Variants in TEKTIP1 observed in about 807,000 individuals in gnomAD.
TEKTIP1 encodes tektin bundle-interacting protein 1.
chr19:3,541,611 G>A, the TEKTIP1 span: 7 of 983,234 alleles, frequency 7.1e-6, no homozygotes, highest in African/African-American at 1.7e-5. Context: ...ATGAGCCACC[G>A]CACCCAGTGC....
chr19:3,543,640 C>T, the TEKTIP1 span: 61 of 1,543,660 alleles, frequency 4.0e-5, no homozygotes, highest in South Asian at 4.8e-5. Flanking sequence ...GGTGGGGGAG[C>T]GCGCTGTGGA....
At chr19:3,541,689 C>T in the TEKTIP1 span, 24 of 985,144 alleles carry the variant, frequency 2.4e-5, no homozygotes, top group Non-Finnish European at 2.7e-5. Context: ...TGTGTAATAA[C>T]GGGGGTGAGT....
the TEKTIP1 span, chr19:3,543,027 G>C: frequency 6.2e-7 from 1 of 1,606,338 alleles, no homozygotes; most frequent in Non-Finnish European, 8.5e-7. Context: ...GGTGCGATGT[G>C]TGGGGAGAGG....
the TEKTIP1 span, chr19:3,540,089 C>CTTT: frequency 9.6e-4 from 85 of 88,168 alleles, no homozygotes; most frequent in South Asian, 2.0e-3. Context: ...CATCTCTTTT[C>CTTT]TTTTTTTTTT....
chr19:3,543,813 C>T, the TEKTIP1 span: 97 of 1,508,326 alleles, frequency 6.4e-5, no homozygotes, highest in East Asian at 5.2e-4. Flanking sequence ...CATGGTGACC[C>T]GAGTCCCACC....
the TEKTIP1 span, chr19:3,541,635 T>C: frequency 1.0e-6 from 1 of 985,142 alleles, no homozygotes; most frequent in Non-Finnish European, 1.2e-6. Context: ...ACCCTATTTC[T>C]ATTTTTTAAA....
chr19:3,544,026 A>C, the TEKTIP1 span: 1 of 1,523,162 alleles, frequency 6.6e-7, no homozygotes, highest in Non-Finnish European at 8.9e-7. Context: ...TGCTACCAGG[A>C]TGCACCCACT....
the TEKTIP1 span, chr19:3,543,968 C>T: frequency 1.3e-6 from 2 of 1,550,136 alleles, no homozygotes; most frequent in South Asian, 2.4e-5. Context: ...GCCCCTCCAC[C>T]TGCCAGCGGT....
chr19:3,543,368 T>G, the TEKTIP1 span: 1 of 1,548,934 alleles, frequency 6.5e-7, no homozygotes, highest in Non-Finnish European at 8.7e-7. Context: ...CTCGGACGCC[T>G]GGGAAGCCTG....
the TEKTIP1 span, chr19:3,544,008 T>C: frequency 6.5e-7 from 1 of 1,536,690 alleles, no homozygotes; most frequent in Non-Finnish European, 8.8e-7. Context: ...CACTCCCCGA[T>C]AAAGGCATGC....
the TEKTIP1 span, chr19:3,543,803 C>T: frequency 6.7e-7 from 1 of 1,503,562 alleles, no homozygotes. Flanking sequence ...GGTGGGGGCA[C>T]ATGGTGACCC....
the TEKTIP1 span, chr19:3,542,880 G>C: frequency 5.7e-6 from 8 of 1,400,394 alleles, no homozygotes; most frequent in Non-Finnish European, 7.7e-6. Flanking sequence ...CCCAGAGGAA[G>C]GGACTTGTGG....
chr19:3,540,473 G>A, the TEKTIP1 span, among the ~76,000 whole-genome samples: 6 of 151,378 alleles, frequency 4.0e-5, no homozygotes, highest in Non-Finnish European at 7.4e-5. Flanking sequence ...GGCCAGGATG[G>A]TCTCGATCTC....
the TEKTIP1 span, chr19:3,542,627 C>T: frequency 9.7e-5 from 96 of 993,604 alleles, no homozygotes; most frequent in Non-Finnish European, 1.2e-4. Flanking sequence ...GTGCCCCCCG[C>T]CCCCACACCA....
chr19:3,543,376 C>G, the TEKTIP1 span: 2 of 1,549,260 alleles, frequency 1.3e-6, no homozygotes, highest in East Asian at 2.4e-5. Flanking sequence ...CCTGGGAAGC[C>G]TGGTACAACC....
the TEKTIP1 span, chr19:3,539,320 T>A: frequency 1.2e-6 from 1 of 812,474 alleles, no homozygotes; most frequent in Non-Finnish European, 1.8e-6. Context: ...TCCCTGGGTG[T>A]CAGGTTACAT....
the TEKTIP1 span, chr19:3,543,554 G>A: frequency 2.1e-6 from 3 of 1,432,552 alleles, no homozygotes; most frequent in East Asian, 8.0e-5. Context: ...CCCCACCGCA[G>A]CCTACACCCA....
the TEKTIP1 span, chr19:3,543,251 C>T: frequency 3.2e-6 from 5 of 1,545,976 alleles, no homozygotes; most frequent in East Asian, 4.9e-5. Flanking sequence ...CTACCTGTCC[C>T]TGGAGGGTTC....
the TEKTIP1 span, chr19:3,542,051 C>A: frequency 6.4e-6 from 5 of 778,210 alleles, no homozygotes; most frequent in Non-Finnish European, 6.2e-6. Flanking sequence ...CTCAGGTGAT[C>A]TACCCACCTT....
Sources: allele counts gnomAD v4.1 joint callset (sites outside exome capture counted in the v4.1 genomes callset), GRCh38; gene constraint gnomAD v4.1.1; transcripts MANE v1.5; gene names NCBI Gene and HGNC (gene_info 2026-07-23, HGNC 2026-07-21).